The following TUNAR variants were observed in gnomAD, a reference collection of about 807,000 sequenced individuals.
The protein encoded by TUNAR is transmembrane neural differentiation associated intracellular calcium regulator.
At chr14:95,892,490 G>A (rs1011591649) in intron 2 of TUNAR, among the ~76,000 whole-genome samples, 3 of 152,244 alleles carry the variant, frequency 2.0e-5, no homozygotes, top group Non-Finnish European at 2.9e-5. Context: ...GCAGCACCTG[G>A]TGCATTACTG....
At chr14:95,921,205 C>T in intron 2 of TUNAR, among the ~76,000 whole-genome samples, 1 of 152,234 alleles carries the variant, frequency 6.6e-6, no homozygotes, top group Non-Finnish European at 1.5e-5. Context: ...ATGTTAATCT[C>T]ATCCTGACAC....
intron 2 of TUNAR, among the ~76,000 whole-genome samples, chr14:95,888,409 A>G (rs1414958077): frequency 6.6e-6 from 1 of 152,206 alleles, no homozygotes; most frequent in African/African-American, 2.4e-5. Context: ...ATGGTTTTGA[A>G]CATGAATAAT....
intron 2 of TUNAR, among the ~76,000 whole-genome samples, chr14:95,914,088 G>GT (rs1889563871): frequency 6.6e-6 from 1 of 152,220 alleles, no homozygotes; most frequent in Non-Finnish European, 1.5e-5. Flanking sequence ...AAGGCAAACA[G>GT]TAACCAATTG....
intron 2 of TUNAR, among the ~76,000 whole-genome samples, chr14:95,889,465 T>TCCC (rs1889134294): frequency 1.6e-5 from 1 of 62,020 alleles, no homozygotes; most frequent in Non-Finnish European, 3.1e-5. Context: ...CTCCTCTCCC[T>TCCC]CCCCCTCCTC....
At chr14:95,925,130 T>C (rs567658462) in exon 3 of TUNAR, 2 of 152,106 alleles carry the variant, frequency 1.3e-5, no homozygotes, top group Non-Finnish European at 2.9e-5. Context: ...CTTGGAGTCA[T>C]TGAATTCTTG....
chr14:95,891,956 A>C (rs1889186197), intron 2 of TUNAR, among the ~76,000 whole-genome samples: 1 of 152,230 alleles, frequency 6.6e-6, no homozygotes, highest in Non-Finnish European at 1.5e-5. Flanking sequence ...CTCCCTGTGC[A>C]TCTATTTGTC....
intron 2 of TUNAR, among the ~76,000 whole-genome samples, chr14:95,882,064 A>G (rs117411059): frequency 0.018 from 2,803 of 152,298 alleles, 52 homozygotes; most frequent in East Asian, 0.08. Context: ...GAAAAATTAG[A>G]CAGAATGAGT....
chr14:95,924,431 G>T (rs1168559591), exon 3 of TUNAR: 1 of 152,238 alleles, frequency 6.6e-6, no homozygotes, highest in East Asian at 1.9e-4. Context: ...GGCTACAGTG[G>T]CATGGCCTTA....
At chr14:95,889,414 A>G (rs1027744765) in intron 2 of TUNAR, among the ~76,000 whole-genome samples, 3 of 152,040 alleles carry the variant, frequency 2.0e-5, no homozygotes, top group African/African-American at 4.8e-5. Flanking sequence ...CTGCATGTGA[A>G]GGAGAAGTTG....
intron 2 of TUNAR, among the ~76,000 whole-genome samples, chr14:95,892,157 G>T (rs578050609): frequency 1.3e-5 from 2 of 152,224 alleles, no homozygotes; most frequent in Non-Finnish European, 2.9e-5. Context: ...ACACTGAGAC[G>T]CTGCCAGGGG....
intron 2 of TUNAR, among the ~76,000 whole-genome samples, chr14:95,883,668 C>T (rs1474408505): frequency 1.3e-5 from 2 of 152,154 alleles, no homozygotes; most frequent in Middle Eastern, 3.2e-3. Context: ...AGAGCCCAGG[C>T]TGGGAGGCAG....
chr14:95,886,357 A>C (rs1256807003), intron 2 of TUNAR, among the ~76,000 whole-genome samples: 1 of 152,260 alleles, frequency 6.6e-6, no homozygotes, highest in Non-Finnish European at 1.5e-5. Flanking sequence ...CTGGCTGGAC[A>C]AAGGGAACAT....
chr14:95,902,352 TCC>T (rs1314834854), intron 2 of TUNAR, among the ~76,000 whole-genome samples: 2 of 152,170 alleles, frequency 1.3e-5, no homozygotes, highest in African/African-American at 4.8e-5. Context: ...GTTGGAGGGA[TCC>T]ATATGCAGAG....
At chr14:95,888,693 C>T (rs1223415377) in intron 2 of TUNAR, among the ~76,000 whole-genome samples, 2 of 152,244 alleles carry the variant, frequency 1.3e-5, no homozygotes, top group African/African-American at 2.4e-5. Flanking sequence ...GGTTGTAGTG[C>T]GTGGGGGTGT....
At chr14:95,897,858 T>G (rs1179290866) in intron 2 of TUNAR, among the ~76,000 whole-genome samples, 1 of 152,206 alleles carries the variant, frequency 6.6e-6, no homozygotes, top group Non-Finnish European at 1.5e-5. Flanking sequence ...TTGCCTTTCT[T>G]TTTTTCTTCT....
chr14:95,898,562 C>T (rs373695871), intron 2 of TUNAR, among the ~76,000 whole-genome samples: 3 of 152,134 alleles, frequency 2.0e-5, no homozygotes, highest in Non-Finnish European at 4.4e-5. Flanking sequence ...TTTCTCATTT[C>T]TTTGCCTTTT....
chr14:95,890,015 C>G (rs887648984), intron 2 of TUNAR, among the ~76,000 whole-genome samples: 3 of 150,052 alleles, frequency 2.0e-5, no homozygotes, highest in African/African-American at 4.9e-5. Context: ...ATTTTTTTCC[C>G]CAAGGGGTGG....
chr14:95,911,552 T>C (rs556648553), intron 2 of TUNAR, among the ~76,000 whole-genome samples: 1 of 152,340 alleles, frequency 6.6e-6, no homozygotes, highest in Admixed American at 6.5e-5. Context: ...CTCTGTGTTC[T>C]GGCCTCATCT....
chr14:95,901,665 C>G (rs1889356065), intron 2 of TUNAR, among the ~76,000 whole-genome samples: 1 of 152,222 alleles, frequency 6.6e-6, no homozygotes, highest in Non-Finnish European at 1.5e-5. Flanking sequence ...CATTGAGCCT[C>G]TGCCATATGG....
Sources: allele counts gnomAD v4.1 joint callset (sites outside exome capture counted in the v4.1 genomes callset), GRCh38; gene constraint gnomAD v4.1.1; transcripts MANE v1.5; gene names NCBI Gene and HGNC (gene_info 2026-07-23, HGNC 2026-07-21).